The following PCDH9 variants were observed in gnomAD, a reference collection of about 807,000 sequenced individuals.
The protein encoded by PCDH9 is protocadherin-9.
Under a neutral mutation model 70.6 loss-of-function variants are expected in PCDH9, and 24 were observed. The ratio of observed to expected loss-of-function variants is 0.34; its 90% confidence interval spans 0.25 to 0.48. PCDH9 has a LOEUF of 0.48. PCDH9 is among the 20% of genes least tolerant of loss of function. PCDH9 has a pLI of 0.99. For missense variants in PCDH9, 1,281 were observed against 1,503.6 expected (o/e 0.85, Z 2.45); for synonymous variants, 562 against 558.5 (o/e 1.01, Z -0.09).
intron 3 of PCDH9, among the ~76,000 whole-genome samples, chr13:66,774,920 G>C (rs2079866396): frequency 6.6e-6 from 1 of 152,092 alleles, no homozygotes; most frequent in South Asian, 2.1e-4. Context: ...TTACCCACTA[G>C]CTTGTTACTT....
chr13:66,812,917 C>T (rs1486062778), intron 3 of PCDH9, among the ~76,000 whole-genome samples: 1 of 152,144 alleles, frequency 6.6e-6, no homozygotes, highest in Non-Finnish European at 1.5e-5. Flanking sequence ...CCAACGCCAT[C>T]CTAAATCCAT....
intron 4 of PCDH9, chr13:66,630,899 A>T: frequency 4.5e-6 from 1 of 223,574 alleles, no homozygotes; most frequent in Non-Finnish European, 8.8e-6. Flanking sequence ...TTGCAGTTCT[A>T]AAATGTGTTC....
chr13:66,998,718 C>A (rs7324298), intron 2 of PCDH9, among the ~76,000 whole-genome samples: 4 of 152,122 alleles, frequency 2.6e-5, no homozygotes, highest in African/African-American at 7.2e-5. Flanking sequence ...GCAATGTCTC[C>A]TATAACCAGC....
intron 2 of PCDH9, among the ~76,000 whole-genome samples, chr13:67,000,083 A>T (rs1383411919): frequency 1.3e-5 from 2 of 152,208 alleles, no homozygotes; most frequent in Non-Finnish European, 2.9e-5. Context: ...GAACCAACCC[A>T]AATGTCCAAC....
intron 2 of PCDH9, among the ~76,000 whole-genome samples, chr13:66,981,392 C>A (rs1486860596): frequency 2.7e-5 from 4 of 147,068 alleles, no homozygotes; most frequent in Non-Finnish European, 5.9e-5. Context: ...GAGCCGAGAT[C>A]GTGCCACTGC....
intron 2 of PCDH9, among the ~76,000 whole-genome samples, chr13:67,103,206 AG>A (rs2086467979): frequency 6.6e-6 from 1 of 152,170 alleles, no homozygotes; most frequent in African/African-American, 2.4e-5. Context: ...AAATGCTACA[AG>A]GAAAATAACA....
At position 66,890,154 on chromosome 13, in the gene PCDH9, G is replaced by A. The variant is rs537142958; in HGVS notation, c.3138+13350C>T. Among the ~76,000 whole-genome samples, 191 of 152,140 alleles carry A rather than the reference G, an allele frequency of 1.3e-3. 1 individual carries two copies. Among genetic ancestry groups the A allele is most frequent in the Non-Finnish European group, 2.1e-4 (14 of 67,964 alleles). On this transcript the variant is annotated intron_variant, in intron 3 of 4. Transcript: ENST00000377865. ...AAAGATATTAGATGTTCTCTACATG[G>A]AAAAGAAAAAATTCATTCTCTAGGG... is the stretch of plus-strand genomic sequence containing the variant.
At chr13:67,032,942 C>T (rs960208143) in intron 2 of PCDH9, among the ~76,000 whole-genome samples, 4 of 151,852 alleles carry the variant, frequency 2.6e-5, no homozygotes, top group African/African-American at 9.7e-5. Flanking sequence ...TAATAGTAGC[C>T]TATGTTTTTA....
At position 66,633,548 on chromosome 13, in the gene PCDH9, A is replaced by G. The variant is rs180728210; in HGVS notation, c.3139-2137T>C. Among the ~76,000 whole-genome samples the G allele has an allele frequency of 4.0e-4, 61 of 152,264 alleles. No homozygotes were observed. The East Asian group carries it at 0.011, about 27-fold the overall frequency. The stretch of plus-strand genomic sequence containing the variant: ...GACTGTACTAGGAACCACAGTGCTT[A>G]TTATGGATGACTGTCAAACATAGCT... On this transcript the variant is annotated intron_variant, in intron 3 of 4. Transcript: ENST00000377865.
chr13:67,097,562 T>C lies in PCDH9; in HGVS notation c.3036+127843A>G, dbSNP rs565485994. ...ATTATGTCTATAACAGTAACTAAGCTTTTTATGATAGTAGTTGCACAAAAT... is the reference window on the plus strand; with the variant it reads ...ATTATGTCTATAACAGTAACTAAGCCTTTTATGATAGTAGTTGCACAAAAT... On this transcript the variant is annotated intron_variant, in intron 2 of 4. Coordinates refer to ENST00000377865, the MANE Select transcript of PCDH9 (RefSeq NM_203487.3). Among the ~76,000 whole-genome samples, 24 of 152,324 alleles carry C rather than the reference T, an allele frequency of 1.6e-4. No homozygotes were observed. In the East Asian group the frequency reaches 4.6e-3, roughly 29 times the overall value.
chr13:66,809,096 C>T (rs2080457161), intron 3 of PCDH9, among the ~76,000 whole-genome samples: 1 of 152,050 alleles, frequency 6.6e-6, no homozygotes, highest in Non-Finnish European at 1.5e-5. Context: ...TACAGGCCCC[C>T]GCCACCACGC....
At chr13:66,650,653 T>C (rs990715493) in intron 3 of PCDH9, among the ~76,000 whole-genome samples, 2 of 151,870 alleles carry the variant, frequency 1.3e-5, no homozygotes, top group Non-Finnish European at 2.9e-5. Context: ...TATAGACCAA[T>C]TGAACTTAAT....
chr13:66,459,129 A>C (rs1292931849), intron 4 of PCDH9, among the ~76,000 whole-genome samples: 1 of 151,982 alleles, frequency 6.6e-6, no homozygotes, highest in Admixed American at 6.6e-5. Context: ...ACAGGGAAAA[A>C]TACTTCCAGG....
intron 4 of PCDH9, among the ~76,000 whole-genome samples, chr13:66,450,780 C>A (rs907308621): frequency 6.6e-6 from 1 of 152,106 alleles, no homozygotes; most frequent in Non-Finnish European, 1.5e-5. Context: ...CTTTGGGAGG[C>A]CGAGGCGGGC....
intron 4 of PCDH9, among the ~76,000 whole-genome samples, chr13:66,601,105 G>A (rs1275554010): frequency 6.9e-6 from 1 of 144,568 alleles, no homozygotes; most frequent in South Asian, 2.2e-4. Context: ...TATGATTCAG[G>A]TTACTATTTT....
intron 4 of PCDH9, among the ~76,000 whole-genome samples, chr13:66,465,647 T>A (rs931937008): frequency 3.3e-5 from 5 of 151,920 alleles, no homozygotes; most frequent in Non-Finnish European, 7.4e-5. Context: ...CTAACTTTAC[T>A]AACAGAAATA....
intron 4 of PCDH9, among the ~76,000 whole-genome samples, chr13:66,382,311 C>A (rs1047142804): frequency 1.3e-5 from 2 of 152,006 alleles, no homozygotes; most frequent in Non-Finnish European, 2.9e-5. Flanking sequence ...GAATAGGCCA[C>A]CTAGCCCATG....
intron 2 of PCDH9, among the ~76,000 whole-genome samples, chr13:67,145,703 C>G (rs1566453995): frequency 1.3e-5 from 2 of 151,804 alleles, no homozygotes. Flanking sequence ...CTAAGAGAGG[C>G]ATTAATGCAA....
At chr13:67,091,950 T>C (rs1433915618) in intron 2 of PCDH9, among the ~76,000 whole-genome samples, 1 of 152,162 alleles carries the variant, frequency 6.6e-6, no homozygotes. Flanking sequence ...AATTGTTTTA[T>C]AATTATCAGG....
Sources: allele counts gnomAD v4.1 joint callset (sites outside exome capture counted in the v4.1 genomes callset), GRCh38; gene constraint gnomAD v4.1.1; transcripts MANE v1.5; gene names NCBI Gene and HGNC (gene_info 2026-07-23, HGNC 2026-07-21).